LRRC36: variants seen among roughly 807,000 people sequenced by gnomAD.
The protein encoded by LRRC36 is leucine rich repeat containing 36.
Under a neutral mutation model 81.1 loss-of-function variants are expected in LRRC36, and 62 were observed. The ratio of observed to expected loss-of-function variants is 0.76; its 90% CI spans 0.62 to 0.94. LRRC36 has a LOEUF of 0.94. Ranked by LOEUF, LRRC36 falls within the 40% of genes least tolerant of loss-of-function variation. LRRC36 has a pLI of 0.00. For missense variants in LRRC36, 761 were observed against 881.7 expected (o/e 0.86, Z 1.73); for synonymous variants, 334 against 348.6 (o/e 0.96, Z 0.47).
chr16:67,352,731 G>A (rs1267748389), intron 5 of LRRC36, among the ~76,000 whole-genome samples: 1 of 150,816 alleles, frequency 6.6e-6, no homozygotes, highest in African/African-American at 2.4e-5. Flanking sequence ...AGGCTGGAGT[G>A]CAGTGGTGCA....
chr16:67,350,175 T>G (rs1187137871), intron 4 of LRRC36, 27 bp from the exon 5 acceptor site: 5 of 1,459,428 alleles, frequency 3.4e-6, no homozygotes, highest in African/African-American at 1.5e-5. Context: ...TTTTTTTGAG[T>G]TGTAAATAAA....
At chr16:67,329,724 C>T (rs537086279) in intron 1 of LRRC36, among the ~76,000 whole-genome samples, 1 of 152,064 alleles carries the variant, frequency 6.6e-6, no homozygotes, top group African/African-American at 2.4e-5. Context: ...TCAAGACCAG[C>T]CAGGCCAACA....
chr16:67,366,072 C>A (rs2039369671), intron 7 of LRRC36, among the ~76,000 whole-genome samples: 1 of 152,092 alleles, frequency 6.6e-6, no homozygotes, highest in Non-Finnish European at 1.5e-5. Context: ...CACTATCATT[C>A]TTGAAGGGTA....
Position 67,367,293 on chromosome 16 carries a change from A to G in LRRC36, c.1031A>G (p.His344Arg). The change falls in exon 8 of 14, where the codon CAT becomes CGT. Residue 344 changes from histidine (H) to arginine (R), a missense_variant. Physicochemically the swap from His to Arg is conservative, Grantham distance 29. This residue lies in a region of LRRC36 where 139 missense variants were observed against 214.0 expected (regional missense o/e 0.65). Coordinates refer to ENST00000329956, the MANE Select transcript of LRRC36 (RefSeq NM_018296.6). ...DSCYSQTLSL[H>R]GSLGKRPQRS... ...TGTTATTCTCAAACTCTATCCCTGCATGGAAGTCTTGGTAAAAGGCCTCAG... is the reference window on the plus strand; with the variant it reads ...TGTTATTCTCAAACTCTATCCCTGCGTGGAAGTCTTGGTAAAAGGCCTCAG... The G allele has an allele frequency of 1.2e-6, 2 of 1,614,186 alleles. No individual in the cohort carries two copies. The highest frequency in any genetic ancestry group is 2.2e-5 in the East Asian group (1 of 44,870).
intron 10 of LRRC36, 25 bp from the exon 11 acceptor site, chr16:67,376,702 T>C: frequency 1.9e-6 from 3 of 1,604,912 alleles, no homozygotes; most frequent in South Asian, 1.1e-5. Context: ...GATTGGCCTG[T>C]GTGCCCATCC....
chr16:67,375,191 A>G (rs1256738532), intron 9 of LRRC36, 56 bp from the exon 10 acceptor site: 1 of 1,569,096 alleles, frequency 6.4e-7, no homozygotes, highest in Admixed American at 1.7e-5. Context: ...TTGTGTAAGA[A>G]TGACAAATGG....
At position 67,375,269 on chromosome 16, in the gene LRRC36, G is replaced by T. The variant is rs1438399397; in HGVS notation, c.1517G>T (p.Ser506Ile). The T allele has an allele frequency of 1.2e-6, 2 of 1,612,360 alleles. No individual in the cohort carries two copies. The highest frequency in any genetic ancestry group is 2.7e-5 in the African/African-American group (2 of 74,630). Residue 506 changes from serine to isoleucine, a missense_variant, in exon 10 of 14, where the codon AGT (serine) becomes ATT (isoleucine). By Grantham distance (142) the Ser-to-Ile change is moderately radical. This residue lies in a region of LRRC36 where 359 missense variants were observed against 388.4 expected (regional missense o/e 0.92). Coordinates refer to ENST00000329956, the MANE Select transcript of LRRC36 (RefSeq NM_018296.6). ...GSEPLSSDLG[S>I]LHGLAGNHSP... Reference sequence around the variant, plus strand: ...GAGCCTCTCTCTAGTGACCTGGGTAGTTTGCACGGTTTGGCTGGAAACCAC... The same window carrying T: ...GAGCCTCTCTCTAGTGACCTGGGTATTTTGCACGGTTTGGCTGGAAACCAC...
chr16:67,384,486 C>T lies in LRRC36; in HGVS notation c.2046-384C>T, dbSNP rs956185020. 3.9e-5 allele frequency among the ~76,000 whole-genome samples: 6 copies of T among 152,142 alleles called. No individual in the cohort carries two copies. The East Asian group carries it at 1.2e-3, about 29-fold the overall frequency. On this transcript the variant is annotated intron_variant, in intron 13 of 13. Coordinates refer to ENST00000329956, the MANE Select transcript of LRRC36 (RefSeq NM_018296.6). ...GAGTTCAATGCAGCCATGACTAGCACCATTAGTGAATTGCAGTGGCAGGAT... is the reference window on the plus strand; with the variant it reads ...GAGTTCAATGCAGCCATGACTAGCATCATTAGTGAATTGCAGTGGCAGGAT...
chr16:67,378,761 T>C, intron 12 of LRRC36, 49 bp downstream of exon 12: 1 of 1,593,000 alleles, frequency 6.3e-7, no homozygotes, highest in Non-Finnish European at 8.6e-7. Flanking sequence ...GACAACTGTT[T>C]GTTTATAGAT....
At chr16:67,346,469 T>G (rs2038353643) in intron 3 of LRRC36, 21 bp downstream of exon 3, 1 of 1,506,554 alleles carries the variant, frequency 6.6e-7, no homozygotes, top group Non-Finnish European at 9.1e-7. Context: ...CCTTCTCTGT[T>G]CCTGTCCACA....
intron 8 of LRRC36, among the ~76,000 whole-genome samples, chr16:67,368,831 A>G (rs2039515831): frequency 6.6e-6 from 1 of 152,194 alleles, no homozygotes; most frequent in Non-Finnish European, 1.5e-5. Flanking sequence ...GATTCTGAAT[A>G]TGTTCTGAAG....
chr16:67,341,318 CT>C (rs2142635442), intron 1 of LRRC36, among the ~76,000 whole-genome samples: 1 of 136,864 alleles, frequency 7.3e-6, no homozygotes, highest in South Asian at 2.2e-4. Flanking sequence ...AGACTATAGA[CT>C]ATATATAGTC....
At chr16:67,369,612 G>T (rs1174074801) in intron 8 of LRRC36, among the ~76,000 whole-genome samples, 2 of 152,120 alleles carry the variant, frequency 1.3e-5, no homozygotes, top group Non-Finnish European at 2.9e-5. Flanking sequence ...CCCAAGACAG[G>T]GTAATTTATA....
intron 5 of LRRC36, 60 bp from the exon 6 acceptor site, chr16:67,363,530 A>G: frequency 1.3e-6 from 2 of 1,584,080 alleles, no homozygotes; most frequent in Non-Finnish European, 1.7e-6. Flanking sequence ...TCCATTAGAC[A>G]TGCTGCCTTT....
chr16:67,328,316 C>G (rs367547753), intron 1 of LRRC36, among the ~76,000 whole-genome samples: 1 of 152,086 alleles, frequency 6.6e-6, no homozygotes. Flanking sequence ...TCGAGACCAT[C>G]CTGGCTAACA....
intron 9 of LRRC36, among the ~76,000 whole-genome samples, chr16:67,373,268 T>C (rs1013362045): frequency 1.3e-5 from 2 of 152,222 alleles, no homozygotes; most frequent in African/African-American, 4.8e-5. Context: ...AAAGCTCCTT[T>C]TTTTCTGTTA....
At chr16:67,362,298 G>T (rs1255091852) in intron 5 of LRRC36, 1 of 405,414 alleles carries the variant, frequency 2.5e-6, no homozygotes, top group Non-Finnish European at 4.8e-6. Context: ...GAGCAGCTGG[G>T]ATTACAGGTG....
intron 6 of LRRC36, chr16:67,365,085 C>T: frequency 2.0e-6 from 1 of 496,744 alleles, no homozygotes; most frequent in Non-Finnish European, 3.6e-6. Flanking sequence ...TTGCTATGTC[C>T]TTTACTTCCT....
At chr16:67,359,331 A>G (rs901015746) in intron 5 of LRRC36, among the ~76,000 whole-genome samples, 4 of 152,248 alleles carry the variant, frequency 2.6e-5, no homozygotes, top group African/African-American at 9.6e-5. Flanking sequence ...AACACATGCT[A>G]TAACATGTAT....
Sources: gnomAD v4.1 joint callset for allele counts (sites outside exome capture counted in the v4.1 genomes callset) on GRCh38, gnomAD v4.1.1 for gene constraint, gnomAD v4.1.1 regional missense constraint, MANE v1.5 for transcripts, NCBI Gene and HGNC (gene_info 2026-07-23, HGNC 2026-07-21) for gene names.